MTF1: variants seen among roughly 807,000 people sequenced by gnomAD.
MTF1 encodes the protein metal regulatory transcription factor 1.
Under a neutral mutation model 70.4 loss-of-function variants are expected in MTF1, and 22 were observed. The ratio of observed to expected loss-of-function variants is 0.31; its 90% CI spans 0.22 to 0.45. The LOEUF (loss-of-function observed/expected upper bound fraction) is 0.45, where lower values mean the gene tolerates loss of function less well. Among genes scored for constraint, MTF1 ranks in the 20% least tolerant of loss-of-function variants. The pLI is 1.00. For synonymous variants in MTF1, 333 were observed against 352.8 expected (o/e 0.94, Z 0.63); for missense variants, 649 against 922.0 (o/e 0.70, Z 3.83).
chr1:37,851,302 C>T (rs1641415501), intron 2 of MTF1, among the ~76,000 whole-genome samples: 2 of 152,200 alleles, frequency 1.3e-5, no homozygotes, highest in South Asian at 2.1e-4. Context: ...TGAGCTAAAT[C>T]CCCAGCAAAC....
intron 7 of MTF1, among the ~76,000 whole-genome samples, chr1:37,830,364 C>T (rs1338394022): frequency 6.6e-6 from 1 of 152,186 alleles, no homozygotes; most frequent in Non-Finnish European, 1.5e-5. Context: ...ATTATTTCAG[C>T]TATATTTTTC....
rs1569872378 is a variant in MTF1 at position 37,840,801 on chromosome 1, T to A, written c.409-643A>T. 6.7e-6 allele frequency among the ~76,000 whole-genome samples: 1 copy of A among 149,192 alleles called. No homozygotes were observed. The highest frequency in any genetic ancestry group is 1.5e-5 in the Non-Finnish European group (1 of 67,508). On this transcript the variant is annotated intron_variant, in intron 2 of 10. Coordinates refer to ENST00000373036, the MANE Select transcript of MTF1 (RefSeq NM_005955.3). The surrounding 1 kb of genome is among the most constrained non-coding windows in gnomAD (Gnocchi z 4.5). ...AGAAGGTTAAGAAAAAAAAAAAAGCTGCTTCTCCGACAAATATCAAATGGC... is the reference window on the plus strand; with the variant it reads ...AGAAGGTTAAGAAAAAAAAAAAAGCAGCTTCTCCGACAAATATCAAATGGC...
intron 4 of MTF1, among the ~76,000 whole-genome samples, chr1:37,836,140 G>A (rs934747726): frequency 6.6e-6 from 1 of 152,150 alleles, no homozygotes; most frequent in African/African-American, 2.4e-5. Flanking sequence ...CAAATATTCA[G>A]AACACTAAGA....
chr1:37,821,573 G>A (rs569945948), intron 9 of MTF1, among the ~76,000 whole-genome samples: 8 of 152,222 alleles, frequency 5.3e-5, no homozygotes, highest in Admixed American at 5.2e-4. Flanking sequence ...TTTCAAAGTT[G>A]TGAGATTGGC....
At chr1:37,834,613 A>C (rs1010721785) in intron 6 of MTF1, 35 of 456,110 alleles carry the variant, frequency 7.7e-5, no homozygotes, top group Middle Eastern at 6.5e-4. Context: ...GAGGGGGAAA[A>C]GGTCCTAAGA....
rs1164249809 is a variant in MTF1 at position 37,815,658 on chromosome 1, G to A, written c.1832-92C>T. 2 of 1,007,450 alleles carry A rather than the reference G, an allele frequency of 2.0e-6. No homozygotes were observed. Among genetic ancestry groups the A allele is most frequent in the African/African-American group, 1.6e-5 (1 of 62,252 alleles). 62.4% of individuals were successfully genotyped at this position (1,007,450 alleles called of 1,614,324 possible). A position where few individuals can be genotyped will look rare whatever the true frequency, so the allele number is the denominator to read the frequency against. On this transcript the variant is annotated intron_variant, in intron 10 of 10. Coordinates refer to ENST00000373036, the MANE Select transcript of MTF1 (RefSeq NM_005955.3). The surrounding 1 kb of genome is among the most constrained non-coding windows in gnomAD (Gnocchi z 4.5). ...TACATGGACTAGGTGAGAGCAGAGT[G>A]CCATGGGAACCATGGGAAGGATGGT...
intron 7 of MTF1, among the ~76,000 whole-genome samples, chr1:37,829,534 G>A (rs1450625132): frequency 2.0e-5 from 3 of 151,716 alleles, no homozygotes; most frequent in Non-Finnish European, 2.9e-5. Context: ...TGTAATCCCA[G>A]CACTTTGGGA....
chr1:37,835,250 A>G (rs760413986), intron 5 of MTF1, 35 bp from the exon 6 acceptor site: 2 of 1,593,298 alleles, frequency 1.3e-6, no homozygotes, highest in Admixed American at 1.7e-5. Flanking sequence ...AATTTACCAT[A>G]AAGTCATTTC....
rs1410312195 is a variant in MTF1 at position 37,812,339 on chromosome 1, G to A, written c.*2797C>T. 1.3e-5 allele frequency: 2 copies of A among 152,192 alleles called. No homozygotes were observed. Among genetic ancestry groups the A allele is most frequent in the Non-Finnish European group, 2.9e-5 (2 of 68,058 alleles). 9.4% of individuals were successfully genotyped at this position (152,192 alleles called of 1,614,324 possible). The stretch of plus-strand genomic sequence containing the variant: ...AGGAAAAGAGAACTGGAAAAGGAGG[G>A]AAAGAAAGACTGCCTATCCTGGGAA... On this transcript the variant is annotated 3_prime_UTR_variant, in exon 11 of 11. Coordinates refer to ENST00000373036, the MANE Select transcript of MTF1 (RefSeq NM_005955.3).
intron 2 of MTF1, among the ~76,000 whole-genome samples, chr1:37,850,574 G>C (rs952153380): frequency 6.6e-6 from 1 of 151,944 alleles, no homozygotes; most frequent in African/African-American, 2.4e-5. Flanking sequence ...GAAAGAGAGA[G>C]AGAGAGAGAG....
intron 9 of MTF1, among the ~76,000 whole-genome samples, chr1:37,818,130 T>C (rs1221072257): frequency 6.6e-6 from 1 of 152,156 alleles, no homozygotes; most frequent in African/African-American, 2.4e-5. Context: ...CTACTATGGA[T>C]GGAGTATCTG....
chr1:37,825,858 T>C (rs1236684493), intron 7 of MTF1, among the ~76,000 whole-genome samples: 1 of 152,202 alleles, frequency 6.6e-6, no homozygotes, highest in Non-Finnish European at 1.5e-5. Flanking sequence ...ATAATACATA[T>C]AACATTCAAA....
chr1:37,828,326 CAG>C (rs1352007192), intron 7 of MTF1: 1 of 378,638 alleles, frequency 2.6e-6, no homozygotes, highest in African/African-American at 2.2e-5. Flanking sequence ...TGTTCTGAGA[CAG>C]AGTTTCGCTC....
At chr1:37,835,765 G>C (rs1369225245) in intron 4 of MTF1, 21 bp from the exon 5 acceptor site, 2 of 1,597,984 alleles carry the variant, frequency 1.3e-6, no homozygotes, top group East Asian at 2.2e-5. Context: ...TAAGGAAAGA[G>C]AAACAGGAGT....
At chr1:37,839,390 C>T (rs1641222505) in intron 3 of MTF1, among the ~76,000 whole-genome samples, 1 of 152,158 alleles carries the variant, frequency 6.6e-6, no homozygotes, top group South Asian at 2.1e-4. Context: ...CACTTGGAAT[C>T]ATGCCTAGCA....
rs997126872 is a variant in MTF1 at position 37,815,674 on chromosome 1, G to A, written c.1832-108C>T. On this transcript the variant is annotated intron_variant, in intron 10 of 10. Transcript: ENST00000373036. This position sits in a 1 kb window ranked among gnomAD's most constrained non-coding sequence, Gnocchi z 4.5. ...GAGCAGAGTGCCATGGGAACCATGG[G>A]AAGGATGGTTGCCACACTTCGGGCT... 1 of 843,944 alleles carries A rather than the reference G, an allele frequency of 1.2e-6. No homozygotes were observed. The highest frequency in any genetic ancestry group is 2.5e-5 in the East Asian group (1 of 39,714). 52.3% of individuals were successfully genotyped at this position (843,944 alleles called of 1,614,324 possible). A position where few individuals can be genotyped will look rare whatever the true frequency, so the allele number is the denominator to read the frequency against.
At chr1:37,823,915 T>C (rs1640962133) in intron 7 of MTF1, 103 bp from the exon 8 acceptor site, 8 of 836,042 alleles carry the variant, frequency 9.6e-6, no homozygotes, top group East Asian at 7.9e-5. Context: ...AATCTTTTGA[T>C]ATGCATTTTG....
chr1:37,829,741 C>T (rs938488228), intron 7 of MTF1, among the ~76,000 whole-genome samples: 2 of 150,996 alleles, frequency 1.3e-5, no homozygotes, highest in African/African-American at 2.4e-5. Context: ...GGCGAGATCG[C>T]GCTACTGCAC....
At position 37,815,606 on chromosome 1, in the gene MTF1, C is replaced by T; in HGVS notation, c.1832-40G>A. On this transcript the variant is annotated intron_variant, in intron 10 of 10. Transcript: ENST00000373036. This position sits in a 1 kb window ranked among gnomAD's most constrained non-coding sequence, Gnocchi z 4.5. ...AGAGAGACTGCTCTTCAAGTAGCTG[C>T]AGGGGCAGGAGCATGAGGGACAGGG... is the stretch of plus-strand genomic sequence containing the variant. 1 of 1,473,380 alleles carries T rather than the reference C, an allele frequency of 6.8e-7. No homozygotes were observed. The highest frequency in any genetic ancestry group is 1.4e-5 in the South Asian group (1 of 73,074). The allele number at this position is 1,473,380 out of a possible 1,614,324, so 91.3% of individuals were successfully genotyped here.
Sources: allele counts gnomAD v4.1 joint callset (sites outside exome capture counted in the v4.1 genomes callset), GRCh38; gene constraint gnomAD v4.1.1; non-coding constraint Gnocchi (gnomAD v3.1); transcripts MANE v1.5; gene names NCBI Gene and HGNC (gene_info 2026-07-23, HGNC 2026-07-21).